MBD1: variants seen among roughly 807,000 people sequenced by gnomAD.
The protein encoded by MBD1 is methyl-CpG-binding domain protein 1.
In MBD1, 25 loss-of-function variants were observed where a neutral mutation model predicts 82.6. That is an observed-to-expected ratio of 0.30 (90% CI 0.22 to 0.42). The LOEUF (loss-of-function observed/expected upper bound fraction) is 0.42. Among genes scored for constraint, MBD1 ranks in the 10% least tolerant of loss-of-function variants. The probability of loss-of-function intolerance (pLI) is 1.00; values close to 1 mark genes in which losing one functional copy is unlikely to be tolerated. For missense variants in MBD1, 627 were observed against 819.6 expected, an observed-to-expected ratio of 0.76 and a Z score of 2.87; for synonymous variants, 301 against 303.7, an observed-to-expected ratio of 0.99 and a Z score of 0.09.
chr18:50,268,615 C>G (rs974272204), downstream of MBD1, among the ~76,000 whole-genome samples: 48 of 152,360 alleles, frequency 3.2e-4, no homozygotes, highest in African/African-American at 1.1e-3. Context: ...CTCGCCCCGG[C>G]GCCCCCTGGC....
At position 50,272,899 on chromosome 18, in the gene MBD1, G is replaced by A. The variant is rs781140508; in HGVS notation, c.1641C>T (p.Asp547=). ...VKQEPPDPEE[D]KEENKDDSAS... ...CAGAATCATCCTTGTTCTCCTCCTT[G>A]TCCTCCTCTGGGTCAGGTGGCTCTT... Residue 547 remains aspartate, a synonymous_variant, in exon 14 of 17, where the codon GAC becomes GAT. Coordinates refer to ENST00000269468, the MANE Select transcript of MBD1 (RefSeq NM_015846.4). 1 of 1,614,164 alleles carries A rather than the reference G, an allele frequency of 6.2e-7. No homozygotes were observed. The highest frequency in any genetic ancestry group is 1.7e-5 in the Admixed American group (1 of 60,024).
In MBD1 at chr18:50,269,442, A is replaced by G. The variant is rs2034552751; in HGVS notation, c.*409T>C. 7 of 814,074 alleles carry G rather than the reference A, an allele frequency of 8.6e-6. No individual in the cohort carries two copies. Among genetic ancestry groups the G allele is most frequent in the East Asian group, 8.0e-5 (3 of 37,272 alleles). 50.4% of individuals were successfully genotyped at this position (814,074 alleles called of 1,614,324 possible). A position where few individuals can be genotyped will look rare whatever the true frequency, so the allele number is the denominator to read the frequency against. On this transcript the variant is annotated 3_prime_UTR_variant, in exon 17 of 17. Transcript: ENST00000269468. ...GAGGGCGGAAGTGAAGCAGCAGCAC[A>G]TTGTTTTTACACTTGGAAGGTTGGT...
Position 50,273,787 on chromosome 18 carries a change from C to A in MBD1, c.1223G>T (p.Arg408Met). ...GSPPPYRRRKRPSSARRHHLG... is the reference protein window; with the variant it reads ...GSPPPYRRRKMPSSARRHHLG... The stretch of plus-strand genomic sequence containing the variant: ...ATGGTGCCGTCGGGCAGAGCTGGGC[C>A]TCTTTCGACGACGGTAAGGTGGGGG... The change falls in exon 12 of 17, where the codon AGG becomes ATG. Residue 408 changes from arginine to methionine, a missense_variant. Physicochemically the swap from Arg to Met is moderately conservative, Grantham distance 91. This residue lies in a region of MBD1 where 265 missense variants were observed against 278.4 expected (regional missense o/e 0.95). Coordinates refer to ENST00000269468, the MANE Select transcript of MBD1 (RefSeq NM_015846.4). 6.2e-7 allele frequency: 1 copy of A among 1,614,016 alleles called. No homozygotes were observed. The highest frequency in any genetic ancestry group is 8.5e-7 in the Non-Finnish European group (1 of 1,180,024).
rs373778181 is a variant in MBD1 at position 50,269,980 on chromosome 18, T to C, written c.*33-162A>G. The C allele has an allele frequency of 3.4e-4, 541 of 1,584,478 alleles. 1 individual carries two copies. In the African/African-American group the frequency reaches 6.6e-3, roughly 19 times the overall value. On this transcript the variant is annotated intron_variant, in intron 16 of 16. Coordinates refer to ENST00000269468, the MANE Select transcript of MBD1 (RefSeq NM_015846.4). ...CTGCTCCTCTGATTGTACCCTAACA[T>C]AAATGGTCAGCAGAAGCTTAACTCA...
intron 2 of MBD1, among the ~76,000 whole-genome samples, chr18:50,277,672 G>C (rs377030490): frequency 1.3e-5 from 2 of 152,000 alleles, no homozygotes; most frequent in East Asian, 1.9e-4. Flanking sequence ...ACCCCCATGG[G>C]TTTCTTGCAT....
chr18:50,272,590 CCAAACTGCCGGCTATACTTT>C (rs1449301480), intron 15 of MBD1, 67 bp downstream of exon 15: 20 of 1,481,756 alleles, frequency 1.3e-5, no homozygotes, highest in Non-Finnish European at 1.8e-5. Flanking sequence ...CCACACCATG[CCAAACTGCCGGCTATACTTT>C]CAAAACTCAG....
At position 50,271,905 on chromosome 18, in the gene MBD1, A is replaced by G. The variant is rs148535083; in HGVS notation, c.1779-365T>C. ...CAAAGGAATCCAAGTGCTTAGGCCAATAGTTTACATCGCCAGTGTCTGGGG... is the reference window on the plus strand; with the variant it reads ...CAAAGGAATCCAAGTGCTTAGGCCAGTAGTTTACATCGCCAGTGTCTGGGG... On this transcript the variant is annotated intron_variant, in intron 15 of 16. Coordinates refer to ENST00000269468, the MANE Select transcript of MBD1 (RefSeq NM_015846.4). Among the ~76,000 whole-genome samples the G allele has an allele frequency of 3.3e-5, 5 of 152,294 alleles. No individual in the cohort carries two copies. The East Asian group carries it at 9.6e-4, about 29-fold the overall frequency.
chr18:50,271,161 T>C, intron 16 of MBD1: 1 of 1,210,524 alleles, frequency 8.3e-7, no homozygotes, highest in East Asian at 4.4e-5. Context: ...TGAACATGGC[T>C]TGTTTAGGTT....
chr18:50,271,272 A>T (rs2035399413), intron 16 of MBD1, 197 bp downstream of exon 16: 4 of 1,442,886 alleles, frequency 2.8e-6, no homozygotes, highest in Non-Finnish European at 3.6e-6. Context: ...GAGAAGATGC[A>T]CCAACTTTCT....
intron 2 of MBD1, among the ~76,000 whole-genome samples, chr18:50,279,566 C>G (rs1023741982): frequency 1.3e-5 from 2 of 152,156 alleles, no homozygotes; most frequent in Admixed American, 1.3e-4. Context: ...ACTAAACAGA[C>G]CACGAAAAGG....
Position 50,276,860 on chromosome 18 carries a change from T to C in MBD1, c.364A>G (p.Thr122Ala). ...GGAGCAGGGAATGAAGCTGGGGCTG[T>C]GTCAGTGTCAGCCTTGGTCTCATCC... ...PRDETKADTD[T>A]APASFPAPGC... Residue 122 changes from threonine to alanine, a missense_variant, in exon 4 of 17, where the codon ACA becomes GCA. Transcript: ENST00000269468. 6.2e-7 allele frequency: 1 copy of C among 1,614,248 alleles called. No individual in the cohort carries two copies. The highest frequency in any genetic ancestry group is 2.2e-5 in the East Asian group (1 of 44,890).
chr18:50,277,356 TA>T (rs1883851526), intron 2 of MBD1, 152 bp from the exon 3 acceptor site: 1 of 683,360 alleles, frequency 1.5e-6, no homozygotes. Flanking sequence ...CTTGAAAACA[TA>T]AAAAAATTAA....
At chr18:50,274,779 G>A (rs913746976) in intron 10 of MBD1, among the ~76,000 whole-genome samples, 198 bp downstream of exon 10, 8 of 152,206 alleles carry the variant, frequency 5.3e-5, no homozygotes, top group African/African-American at 1.9e-4. Flanking sequence ...AGCTACCAGA[G>A]TGTTGGTATA....
intron 11 of MBD1, 77 bp downstream of exon 11, chr18:50,274,092 ACCCACCCACCTACCAAG>A: frequency 1.3e-5 from 20 of 1,532,092 alleles, no homozygotes; most frequent in Non-Finnish European, 1.8e-5. Flanking sequence ...CTACTGCCCC[ACCCACCCACCTACCAAG>A]CCTGCCCACC....
At chr18:50,270,079 T>G (rs1438048066) in intron 16 of MBD1, 1 of 1,598,162 alleles carries the variant, frequency 6.3e-7, no homozygotes, top group Non-Finnish European at 8.5e-7. Flanking sequence ...GGTTGGGTGG[T>G]TGGTTCCTGG....
rs369891669 is a variant in MBD1, at chr18:50,274,960, A to G, written c.978+17T>C. The stretch of plus-strand genomic sequence containing the variant: ...CCTGAGATTCTAGGCTTATCCAGGT[A>G]GGGTGGGGCCACTCACTAGCTCGTC... On this transcript the variant is annotated intron_variant, in intron 10 of 16. Coordinates refer to ENST00000269468, the MANE Select transcript of MBD1 (RefSeq NM_015846.4). The G allele has an allele frequency of 1.6e-4, 256 of 1,613,620 alleles. No individual in the cohort carries two copies. Among genetic ancestry groups the G allele is most frequent in the Non-Finnish European group, 2.1e-4 (249 of 1,179,620 alleles).
In MBD1 at chr18:50,281,432, A is replaced by ACCTCCCGCCTCGCCCTCCTCCC. The variant is rs2040234949; in HGVS notation, c.-117_-96dup. On this transcript the variant is annotated 5_prime_UTR_variant, in exon 1 of 17. Transcript: ENST00000269468. ...GACCCATGGCGAGGGTCCCTCCTGC[A>ACCTCCCGCCTCGCCCTCCTCCC]CCTCCCGCCTCGCCCTCCTCCCCTT... The ACCTCCCGCCTCGCCCTCCTCCC allele has an allele frequency of 1.7e-6, 1 of 592,530 alleles. No homozygotes were observed. Among genetic ancestry groups the ACCTCCCGCCTCGCCCTCCTCCC allele is most frequent in the Non-Finnish European group, 3.0e-6 (1 of 332,410 alleles). The allele number at this position is 592,530 out of a possible 1,614,324, so 36.7% of individuals were successfully genotyped here. A position where few individuals can be genotyped will look rare whatever the true frequency, so the allele number is the denominator to read the frequency against.
chr18:50,271,700 C>T (rs1321536776), intron 15 of MBD1, among the ~76,000 whole-genome samples, 160 bp from the exon 16 acceptor site: 1 of 152,190 alleles, frequency 6.6e-6, no homozygotes. Flanking sequence ...TTATAGACAG[C>T]TTGTACATAG....
rs1391627026 is a variant in MBD1 at position 50,269,674 on chromosome 18, C to A, written c.*177G>T. ...ACCAGCTTCTTCTGCAGGACACCCA[C>A]ATCATCGAAGCTGGAGGTGGTGAGA... On this transcript the variant is annotated 3_prime_UTR_variant, in exon 17 of 17. Transcript: ENST00000269468. 2 of 770,736 alleles carry A rather than the reference C, an allele frequency of 2.6e-6. No homozygotes were observed. Among genetic ancestry groups the A allele is most frequent in the Non-Finnish European group, 4.8e-6 (2 of 412,506 alleles). 47.7% of individuals were successfully genotyped at this position (770,736 alleles called of 1,614,324 possible). A position where few individuals can be genotyped will look rare whatever the true frequency, so the allele number is the denominator to read the frequency against.
Sources: allele counts gnomAD v4.1 joint callset (sites outside exome capture counted in the v4.1 genomes callset), GRCh38; gene constraint gnomAD v4.1.1; regional missense constraint gnomAD v4.1.1; transcripts MANE v1.5; gene names NCBI Gene and HGNC (gene_info 2026-07-23, HGNC 2026-07-21).